Variants in TTN observed in about 807,000 individuals in gnomAD.
TTN encodes the protein titin, also known as connectin.
Under a neutral mutation model 3,223.0 loss-of-function variants are expected in TTN, and 1,525 were observed. The observed-to-expected ratio is 0.47, with a 90% CI of 0.45 to 0.49. The LOEUF is 0.49. Among genes scored for constraint, TTN ranks in the 20% least tolerant of loss-of-function variants. The pLI, the probability that TTN is intolerant of heterozygous loss-of-function variation, is 0.00. For missense variants in TTN, 40,786 were observed against 43,424.0 expected (o/e 0.94, Z 5.40); for synonymous variants, 14,094 against 15,161.0 (o/e 0.93, Z 5.17).
chr2:178,727,619 A>G lies in TTN; in HGVS notation c.19959T>C (p.Gly6653=). 1 of 1,597,298 alleles carries G rather than the reference A, an allele frequency of 6.3e-7. No individual in the cohort carries two copies. The highest frequency in any genetic ancestry group is 1.3e-5 in the African/African-American group (1 of 74,246). The part of the protein sequence containing the change: ...QYTCHVTNDV[G]SDSCTTMLLV... ...GCAACATCGTAGTACAAGAGTCGCT[A>G]CCAACATCATTGGTAACATGGCAAG... is the stretch of plus-strand genomic sequence containing the variant. The change falls in exon 68 of 363, where the codon GGT becomes GGC. Residue 6653 remains glycine, a synonymous_variant. Transcript: ENST00000589042.
At chr2:178,617,717 A>C in intron 253 of TTN, 62 bp downstream of exon 253, 1 of 1,560,562 alleles carries the variant, frequency 6.4e-7, no homozygotes, top group Non-Finnish European at 8.7e-7. Flanking sequence ...GATTTATTTT[A>C]ATTGATAGGC....
At position 178,725,192 on chromosome 2, in the gene TTN, A is replaced by C. The variant is rs2243804; in HGVS notation, c.20836+176T>G. 0.03 allele frequency: 20,016 copies of C among 660,732 alleles called. 768 individuals are homozygous for C. Among genetic ancestry groups the C allele is most frequent in the East Asian group, 0.18 (5,514 of 30,082 alleles). The allele number at this position is 660,732 out of a possible 1,614,324, so 40.9% of individuals were successfully genotyped here. On this transcript the variant is annotated intron_variant, in intron 71 of 362. Transcript: ENST00000589042. ...AAACAGATGTCTAATTTTTGTTAGA[A>C]TCACAGAAACAGAAAAGAGTGTTTG...
chr2:178,619,454 T>G, intron 250 of TTN, 167 bp downstream of exon 250: 2 of 744,800 alleles, frequency 2.7e-6, no homozygotes, highest in Non-Finnish European at 4.3e-6. Flanking sequence ...AATTTCCTCT[T>G]ACTCAAGACA....
In TTN at chr2:178,718,339, G is replaced by A. The variant is rs879112949; in HGVS notation, c.24767C>T (p.Ala8256Val). ...CAACACACCTAAGACAGACACCAGA[G>A]CTTCACAGATATCTTGACCAGCCTC... ...ENEAGQDICEALVSVLEPPYF... is the reference protein window; with the variant it reads ...ENEAGQDICEVLVSVLEPPYF... The change falls in exon 85 of 363, where the codon GCT becomes GTT. Residue 8256 changes from alanine to valine, a missense_variant. Physicochemically the swap from Ala to Val is moderately conservative, Grantham distance 64 (BLOSUM62 0). Coordinates refer to ENST00000589042, the MANE Select transcript of TTN (RefSeq NM_001267550.2). 6.2e-7 allele frequency: 1 copy of A among 1,613,456 alleles called. No individual in the cohort carries two copies. The highest frequency in any genetic ancestry group is 8.5e-7 in the Non-Finnish European group (1 of 1,179,558).
Position 178,704,673 on chromosome 2 carries a change from C to T in TTN, c.29799G>A (p.Ser9933=), listed in dbSNP as rs2742344. 55,002 of 1,611,548 alleles carry T rather than the reference C, an allele frequency of 0.034. 1,804 individuals are homozygous for T. Among genetic ancestry groups the T allele is most frequent in the East Asian group, 0.19 (8,530 of 44,836 alleles). Residue 9933 remains serine (S), a synonymous_variant, in exon 105 of 363, where the codon TCG becomes TCA. Coordinates refer to ENST00000589042, the MANE Select transcript of TTN (RefSeq NM_001267550.2). ...IKINYPEIKL[S]WYKGTEKLEP... ...CCAGTTTTTCAGTTCCTTTGTACCA[C>T]GAAAGCTTGATTTCTGGATAATTAA...
At position 178,767,815 on chromosome 2, in the gene TTN, T is replaced by G; in HGVS notation, c.9415A>C (p.Lys3139Gln). The change falls in exon 40 of 363, where the codon AAA (lysine) becomes CAA (glutamine). Residue 3139 changes from lysine to glutamine, a missense_variant. Physicochemically the swap from Lys to Gln is moderately conservative, Grantham distance 53. Coordinates refer to ENST00000589042, the MANE Select transcript of TTN (RefSeq NM_001267550.2). Reference sequence around the variant, plus strand: ...ACATCTCTGCCTTCTACAAAGAGTTTTGCAGTTGACACGTTGCCTCCTGCC... The same window carrying G: ...ACATCTCTGCCTTCTACAAAGAGTTGTGCAGTTGACACGTTGCCTCCTGCC... The part of the protein sequence containing the change: ...VVAGGNVSTA[K>Q]LFVEGRDVRI... The G allele has an allele frequency of 6.2e-7, 1 of 1,614,188 alleles. No individual in the cohort carries two copies. Among genetic ancestry groups the G allele is most frequent in the South Asian group, 1.1e-5 (1 of 91,086 alleles).
intron 49 of TTN, chr2:178,737,846 C>T: frequency 2.3e-6 from 1 of 436,976 alleles, no homozygotes; most frequent in Non-Finnish European, 3.9e-6. Context: ...CATTTGATTA[C>T]TTAACTTTGT....
At chr2:178,646,614 G>T in intron 215 of TTN, 55 bp from the exon 216 acceptor site, 1 of 1,052,358 alleles carries the variant, frequency 9.5e-7, no homozygotes, top group South Asian at 1.5e-5. Flanking sequence ...TCTTCAAAAA[G>T]ACTCATACAA....
chr2:178,654,252 A>G lies in TTN; in HGVS notation c.38336T>C (p.Val12779Ala), dbSNP rs2099130. Residue 12779 changes from valine to alanine, a missense_variant, in exon 193 of 363, where the codon GTA becomes GCA. Val to Ala is a moderately conservative substitution (Grantham distance 64). Coordinates refer to ENST00000589042, the MANE Select transcript of TTN (RefSeq NM_001267550.2). The part of the protein sequence containing the change: ...APKEVVLEKK[V>A]SVAVPKKPEA... Reference sequence around the variant, plus strand: ...CGGTTTTTTGGGCACAGCCACAGATACTTTCTTTTCAAGTACAACTTCTTT... The same window carrying G: ...CGGTTTTTTGGGCACAGCCACAGATGCTTTCTTTTCAAGTACAACTTCTTT... 9.8e-4 allele frequency: 1,568 copies of G among 1,598,794 alleles called. 78 individuals carry two copies. The highest frequency in any genetic ancestry group is 7.4e-3 in the East Asian group (333 of 44,734).
At chr2:178,763,369 T>C (rs1028586383) in intron 43 of TTN, among the ~76,000 whole-genome samples, 1 of 152,220 alleles carries the variant, frequency 6.6e-6, no homozygotes, top group African/African-American at 2.4e-5. Flanking sequence ...GTTACCTAAC[T>C]TAATCTTGAT....
rs2060480586 is a variant in TTN, at chr2:178,636,713, C to T, written c.41014G>A (p.Ala13672Thr). Residue 13672 changes from alanine to threonine, a missense_variant, in exon 225 of 363, where the codon GCC becomes ACC. Coordinates refer to ENST00000589042, the MANE Select transcript of TTN (RefSeq NM_001267550.2). The surrounding 1 kb of genome is among the most constrained non-coding windows in gnomAD (Gnocchi z 4.3). ...GSGGEKPPDE[A>T]PFTYQLKAVP... The stretch of plus-strand genomic sequence containing the variant: ...GCCTTTAGCTGGTAGGTGAACGGGG[C>T]TTCATCAGGAGGTTTCTCTCCACCA... The T allele has an allele frequency of 1.2e-6, 2 of 1,613,172 alleles. No homozygotes were observed. The highest frequency in any genetic ancestry group is 1.7e-6 in the Non-Finnish European group (2 of 1,179,436).
At chr2:178,756,197 A>T (rs766342347) in intron 46 of TTN, 25 bp downstream of exon 46, 26 of 1,531,468 alleles carry the variant, frequency 1.7e-5, no homozygotes, top group Non-Finnish European at 2.3e-5. Flanking sequence ...GAAATGAAGC[A>T]AGTCATAGCT....
At position 178,670,227 on chromosome 2, in the gene TTN, G is replaced by A. The variant is rs1221569096; in HGVS notation, c.35377C>T (p.Pro11793Ser). 2.0e-6 allele frequency: 3 copies of A among 1,472,612 alleles called. No homozygotes were observed. The highest frequency in any genetic ancestry group is 5.1e-5 in the East Asian group (2 of 39,072). 91.2% of individuals were successfully genotyped at this position (1,472,612 alleles called of 1,614,324 possible). A position where few individuals can be genotyped will look rare whatever the true frequency, so the allele number is the denominator to read the frequency against. Residue 11793 changes from proline (P) to serine (S), a missense_variant, in exon 157 of 363, where the codon CCA becomes TCA. Coordinates refer to ENST00000589042, the MANE Select transcript of TTN (RefSeq NM_001267550.2). ...GAGAAAAGCCAGTTACCTTTAGTTGGTGGAACTCTGGGCTCTTCAGGAACA... is the reference window on the plus strand; with the variant it reads ...GAGAAAAGCCAGTTACCTTTAGTTGATGGAACTCTGGGCTCTTCAGGAACA... ...VRVPEEPRVPPTKAPEVPKKI... is the reference protein window; with the variant it reads ...VRVPEEPRVPSTKAPEVPKKI...
chr2:178,785,886 T>C lies in TTN; in HGVS notation c.2332A>G (p.Lys778Glu). The C allele has an allele frequency of 6.2e-7, 1 of 1,614,116 alleles. No homozygotes were observed. Among genetic ancestry groups the C allele is most frequent in the South Asian group, 1.1e-5 (1 of 91,086 alleles). The change falls in exon 14 of 363, where the codon AAA becomes GAA. Residue 778 changes from lysine (K) to glutamate (E), a missense_variant. Physicochemically the swap from Lys to Glu is moderately conservative, Grantham distance 56. Coordinates refer to ENST00000589042, the MANE Select transcript of TTN (RefSeq NM_001267550.2). The stretch of plus-strand genomic sequence containing the variant: ...TGCATTCCCTTTTGATCAGTAGTTT[T>C]GATATGAGTCTCAGAAGGAGCCTGG... ...VIQAPSETHI[K>E]TTDQKGMHIS...
chr2:178,684,640 T>A, intron 131 of TTN, 26 bp downstream of exon 131: 1 of 1,596,612 alleles, frequency 6.3e-7, no homozygotes, highest in Non-Finnish European at 8.5e-7. Context: ...ATGTTCCTAG[T>A]TTTTCTGCTG....
chr2:178,624,543 C>T lies in TTN; in HGVS notation c.44737G>A (p.Asp14913Asn). ...DGRVRKLVIHDCTPEDIKTYT... is the reference protein window; with the variant it reads ...DGRVRKLVIHNCTPEDIKTYT... Reference sequence around the variant, plus strand: ...GTTTTAATATCCTCTGGGGTACAGTCATGTATAACAAGTTTTCTGACCCTG... The same window carrying T: ...GTTTTAATATCCTCTGGGGTACAGTTATGTATAACAAGTTTTCTGACCCTG... Residue 14913 changes from aspartate (D) to asparagine (N), a missense_variant, in exon 242 of 363, where the codon GAC becomes AAC. Coordinates refer to ENST00000589042, the MANE Select transcript of TTN (RefSeq NM_001267550.2). 2 of 1,612,800 alleles carry T rather than the reference C, an allele frequency of 1.2e-6. No homozygotes were observed. Among genetic ancestry groups the T allele is most frequent in the Non-Finnish European group, 1.7e-6 (2 of 1,179,212 alleles).
At position 178,795,515 on chromosome 2, in the gene TTN, TA is replaced by T. The variant is rs377764560; in HGVS notation, c.915-264del. 0.1 allele frequency among the ~76,000 whole-genome samples: 14,037 copies of T among 140,956 alleles called. 1,398 individuals are homozygous for T. Among genetic ancestry groups the T allele is most frequent in the African/African-American group, 0.27 (10,449 of 39,156 alleles). 92.5% of individuals were successfully genotyped at this position (140,956 alleles called of 152,430 possible). A position where few individuals can be genotyped will look rare whatever the true frequency, so the allele number is the denominator to read the frequency against. On this transcript the variant is annotated intron_variant, in intron 6 of 362. Transcript: ENST00000589042. ...TTTTGTGCCTTGCACCTTCTCACAT[TA>T]AAAAAAAAAAAAAATCACAACAGAA...
Position 178,614,499 on chromosome 2 carries a change from G to A in TTN, c.49015C>T (p.Arg16339Trp), listed in dbSNP as rs201793958. ...TTCACTTCCACCACAGCAGTGGCCC[G>A]GCCACACACATTCACAGCCTCAATG... ...YIIEAVNVCG[R>W]ATAVVEVNVL... The change falls in exon 261 of 363, where the codon CGG becomes TGG. Residue 16339 changes from arginine to tryptophan, a missense_variant. By Grantham distance (101) the Arg-to-Trp change is moderately radical. Transcript: ENST00000589042. 5.3e-5 allele frequency: 86 copies of A among 1,610,362 alleles called. No homozygotes were observed. The African/African-American group carries it at 8.8e-4, about 17-fold the overall frequency.
chr2:178,559,600 A>G lies in TTN; in HGVS notation c.86532T>C (p.Asp28844=). Residue 28844 remains aspartate, a synonymous_variant, in exon 326 of 363, where the codon GAT becomes GAC. Transcript: ENST00000589042. The part of the protein sequence containing the change: ...ASLTLVVKVL[D]TPGPPTNITV... Reference sequence around the variant, plus strand: ...TAATGTTGGTTGGAGGACCTGGGGTATCTAAAACTTTGACAACTAAGGTCA... The same window carrying G: ...TAATGTTGGTTGGAGGACCTGGGGTGTCTAAAACTTTGACAACTAAGGTCA... 2 of 1,613,808 alleles carry G rather than the reference A, an allele frequency of 1.2e-6. No homozygotes were observed. Among genetic ancestry groups the G allele is most frequent in the Admixed American group, 1.7e-5 (1 of 60,008 alleles).
Sources: gnomAD v4.1 joint callset for allele counts (sites outside exome capture counted in the v4.1 genomes callset) on GRCh38, gnomAD v4.1.1 for gene constraint, Gnocchi (gnomAD v3.1) non-coding constraint, MANE v1.5 for transcripts, NCBI Gene and HGNC (gene_info 2026-07-23, HGNC 2026-07-21) for gene names.